The following NRG3 variants were observed in gnomAD, a reference collection of about 807,000 sequenced individuals.
NRG3 encodes pro-neuregulin-3, membrane-bound isoform.
In NRG3, 31 loss-of-function variants were observed where a neutral mutation model predicts 66.9. That is an observed-to-expected ratio of 0.46 (90% CI 0.35 to 0.63). The LOEUF (loss-of-function observed/expected upper bound fraction) is 0.63. Among genes scored for constraint, NRG3 ranks in the 20% least tolerant of loss-of-function variants. The pLI is 0.00. For synonymous variants in NRG3, 393 were observed against 359.4 expected (o/e 1.09, Z -1.06); for missense variants, 910 against 878.9 (o/e 1.04, Z -0.45).
chr10:82,180,748 T>C (rs2073361009), intron 1 of NRG3, among the ~76,000 whole-genome samples: 1 of 151,924 alleles, frequency 6.6e-6, no homozygotes, highest in Admixed American at 6.6e-5. Flanking sequence ...AGGGTAATGC[T>C]AGCCTTATAC....
At chr10:82,214,830 G>A (rs10884342) in intron 1 of NRG3, among the ~76,000 whole-genome samples, 56,347 of 151,898 alleles carry the variant, frequency 0.37, 11,572 homozygotes, top group African/African-American at 0.54. Flanking sequence ...TTTATTTCAC[G>A]GTGACTTCTT....
chr10:82,200,291 A>T (rs1376046671), intron 1 of NRG3, among the ~76,000 whole-genome samples: 2 of 151,948 alleles, frequency 1.3e-5, no homozygotes, highest in East Asian at 3.9e-4. Flanking sequence ...ATACTTACTG[A>T]CTCCTGTACC....
chr10:82,249,695 CAT>C (rs1201069673), intron 1 of NRG3, among the ~76,000 whole-genome samples: 1 of 152,152 alleles, frequency 6.6e-6, no homozygotes, highest in Non-Finnish European at 1.5e-5. Flanking sequence ...GTGTGGGAAA[CAT>C]AGATTGAGTC....
At chr10:82,378,478 G>C (rs942949764) in intron 2 of NRG3, among the ~76,000 whole-genome samples, 1 of 152,136 alleles carries the variant, frequency 6.6e-6, no homozygotes, top group Non-Finnish European at 1.5e-5. Context: ...CTTAGGGAAA[G>C]AGTTGATGGA....
Position 81,875,813 on chromosome 10 carries a change from T to C in NRG3, c.473T>C (p.Leu158Pro). The part of the protein sequence containing the change: ...SRTPNRISTR[L>P]TTITRAPTRF... ...ACGCCCAACCGGATTAGCACTCGCC[T>C]GACCACCATCACGCGGGCGCCCACT... is the stretch of plus-strand genomic sequence containing the variant. The change falls in exon 1 of 9, where the codon CTG (leucine) becomes CCG (proline). Residue 158 changes from leucine (L) to proline (P), a missense_variant. Leu to Pro is a moderately conservative substitution (Grantham distance 98). Transcript: ENST00000372141. This position sits in a 1 kb window ranked among gnomAD's most constrained non-coding sequence, Gnocchi z 5.3. 1 of 1,609,600 alleles carries C rather than the reference T, an allele frequency of 6.2e-7. No individual in the cohort carries two copies. Among genetic ancestry groups the C allele is most frequent in the Non-Finnish European group, 8.5e-7 (1 of 1,179,830 alleles).
At chr10:81,917,291 A>G (rs1266709159) in intron 1 of NRG3, among the ~76,000 whole-genome samples, 1 of 152,154 alleles carries the variant, frequency 6.6e-6, no homozygotes, top group Non-Finnish European at 1.5e-5. Context: ...GCTCTCCCCA[A>G]ACAATTTACA....
intron 4 of NRG3, among the ~76,000 whole-genome samples, chr10:82,917,968 G>GTATATATATA (rs1419038422): frequency 8.1e-4 from 79 of 97,288 alleles, no homozygotes; most frequent in African/African-American, 2.8e-3. Context: ...GTGTGTGTGT[G>GTATATATATA]TGTATATATA....
intron 1 of NRG3, among the ~76,000 whole-genome samples, chr10:81,996,463 A>G (rs1377050169): frequency 6.6e-6 from 1 of 152,224 alleles, no homozygotes. Flanking sequence ...TGAAAAATTA[A>G]TAGCAATGCA....
At chr10:82,474,546 C>A (rs1841582910) in intron 2 of NRG3, among the ~76,000 whole-genome samples, 1 of 151,938 alleles carries the variant, frequency 6.6e-6, no homozygotes, top group South Asian at 2.1e-4. Flanking sequence ...GAAGACAAGT[C>A]ATTTGACATT....
intron 4 of NRG3, among the ~76,000 whole-genome samples, chr10:82,910,066 T>A (rs929364361): frequency 6.6e-6 from 1 of 152,200 alleles, no homozygotes; most frequent in Non-Finnish European, 1.5e-5. Flanking sequence ...GGTAAACATA[T>A]GACAATCATA....
At chr10:82,115,071 C>G (rs1352991841) in intron 1 of NRG3, among the ~76,000 whole-genome samples, 2 of 152,082 alleles carry the variant, frequency 1.3e-5, no homozygotes, top group African/African-American at 4.8e-5. Context: ...GAGTCAAGAC[C>G]TGATCTTCTG....
Position 82,372,035 on chromosome 10 carries a change from A to G in NRG3, c.953+13167A>G, listed in dbSNP as rs144620217. On this transcript the variant is annotated intron_variant, in intron 2 of 8. Coordinates refer to ENST00000372141, the MANE Select transcript of NRG3 (RefSeq NM_001010848.4). ...AAACCATATCCAAATCATAGCACTC[A>G]TATGTACATAGAAGATTCCAAAAAT... 3.8e-3 allele frequency among the ~76,000 whole-genome samples: 583 copies of G among 152,318 alleles called. 1 individual carries two copies. The highest frequency in any genetic ancestry group is 0.013 in the African/African-American group (545 of 41,572).
chr10:82,242,970 G>A (rs543333785), intron 1 of NRG3, among the ~76,000 whole-genome samples: 3 of 152,340 alleles, frequency 2.0e-5, no homozygotes, highest in East Asian at 3.9e-4. Flanking sequence ...TAGGGCTCGT[G>A]CTTAAGCCTC....
At chr10:82,016,667 T>C (rs766184955) in intron 1 of NRG3, among the ~76,000 whole-genome samples, 2 of 152,010 alleles carry the variant, frequency 1.3e-5, no homozygotes, top group Non-Finnish European at 2.9e-5. Flanking sequence ...TGAAAAAATA[T>C]TGTTATGTTT....
At chr10:82,172,982 A>T (rs186358608) in intron 1 of NRG3, among the ~76,000 whole-genome samples, 50 of 152,242 alleles carry the variant, frequency 3.3e-4, no homozygotes, top group African/African-American at 1.1e-3. Flanking sequence ...ACAGGCTCCT[A>T]ATATGAAAGT....
intron 2 of NRG3, among the ~76,000 whole-genome samples, chr10:82,473,088 C>G (rs543575637): frequency 1.3e-5 from 2 of 152,298 alleles, no homozygotes; most frequent in Admixed American, 1.3e-4. Context: ...TGTGAACACA[C>G]CCAGTTGTTG....
intron 2 of NRG3, among the ~76,000 whole-genome samples, chr10:82,726,097 G>A (rs1437295593): frequency 1.3e-5 from 2 of 152,118 alleles, no homozygotes; most frequent in Non-Finnish European, 2.9e-5. Context: ...CAAGGAGAGA[G>A]CCCTCATCAA....
intron 2 of NRG3, among the ~76,000 whole-genome samples, chr10:82,629,658 C>A (rs1328898070): frequency 6.6e-6 from 1 of 152,170 alleles, no homozygotes; most frequent in Non-Finnish European, 1.5e-5. Flanking sequence ...ATTCCTTGAG[C>A]AACCCCTGGG....
At chr10:82,924,546 T>G (rs148438587) in intron 4 of NRG3, among the ~76,000 whole-genome samples, 2 of 150,620 alleles carry the variant, frequency 1.3e-5, no homozygotes, top group Non-Finnish European at 1.5e-5. Context: ...ATTTTCGAAG[T>G]CTTCTATGTA....
Sources: allele counts gnomAD v4.1 joint callset (sites outside exome capture counted in the v4.1 genomes callset), GRCh38; gene constraint gnomAD v4.1.1; non-coding constraint Gnocchi (gnomAD v3.1); transcripts MANE v1.5; gene names NCBI Gene and HGNC (gene_info 2026-07-23, HGNC 2026-07-21).